Variants in NET1 observed in about 807,000 individuals in gnomAD.
NET1 encodes the protein neuroepithelial cell transforming 1.
A neutral mutation model predicts 61.1 loss-of-function variants in NET1; 42 were observed. The ratio of observed to expected loss-of-function variants is 0.69; its 90% CI spans 0.54 to 0.89. The LOEUF (loss-of-function observed/expected upper bound fraction) is 0.89, where lower values mean the gene tolerates loss of function less well. Ranked by LOEUF, NET1 falls within the 40% of genes least tolerant of loss-of-function variation. The pLI, the probability that NET1 is intolerant of heterozygous loss-of-function variation, is 0.00. For missense variants in NET1, 654 were observed against 747.3 expected (o/e 0.88, Z 1.46); for synonymous variants, 254 against 281.8 (o/e 0.90, Z 0.99).
chr10:5,453,982 G>T lies in NET1; in HGVS notation c.769-283G>T, dbSNP rs191954956. On this transcript the variant is annotated intron_variant, in intron 8 of 11. Coordinates refer to ENST00000355029, the MANE Select transcript of NET1 (RefSeq NM_001047160.3). The surrounding 1 kb of genome is among the most constrained non-coding windows in gnomAD (Gnocchi z 4.9). ...GTCTCAGGGCTGGTGGCAAATGGAG[G>T]ACACTCAAGTGTCCTGGGAGCACAG... Among the ~76,000 whole-genome samples, 226 of 152,308 alleles carry T rather than the reference G, an allele frequency of 1.5e-3. 1 individual carries two copies. Among genetic ancestry groups the T allele is most frequent in the African/African-American group, 4.7e-3 (196 of 41,578 alleles).
rs113164833 is a variant in NET1 at position 5,422,042 on chromosome 10, G to T, written c.129-4613G>T. 3.3e-5 allele frequency among the ~76,000 whole-genome samples: 5 copies of T among 152,252 alleles called. No homozygotes were observed. Among genetic ancestry groups the T allele is most frequent in the African/African-American group, 1.2e-4 (5 of 41,550 alleles). The stretch of plus-strand genomic sequence containing the variant: ...ATGGATAATGCTGCTATGAACATTT[G>T]CATGTAAGTCTTAGTGTAGGCTGGG... On this transcript the variant is annotated intron_variant, in intron 1 of 11. Transcript: ENST00000355029. The surrounding 1 kb of genome is among the most constrained non-coding windows in gnomAD (Gnocchi z 4.1).
chr10:5,416,081 A>G lies in NET1; in HGVS notation c.128+3261A>G, dbSNP rs1358970368. 6.6e-6 allele frequency among the ~76,000 whole-genome samples: 1 copy of G among 152,164 alleles called. No individual in the cohort carries two copies. Among genetic ancestry groups the G allele is most frequent in the Non-Finnish European group, 1.5e-5 (1 of 68,024 alleles). ...AGTTAGTTTTTGTATATAATGTGAG[A>G]TGACGGTCCAACTTAATTCTTTTTC... On this transcript the variant is annotated intron_variant, in intron 1 of 11. Coordinates refer to ENST00000355029, the MANE Select transcript of NET1 (RefSeq NM_001047160.3). The surrounding 1 kb of genome is among the most constrained non-coding windows in gnomAD (Gnocchi z 6.1).
In NET1 at chr10:5,454,906, A is replaced by G; in HGVS notation, c.1027-42A>G. On this transcript the variant is annotated intron_variant, in intron 9 of 11. Transcript: ENST00000355029. The surrounding 1 kb of genome is among the most constrained non-coding windows in gnomAD (Gnocchi z 8.1). ...GCTCTGCAGGAAGCAGAATGAGTTA[A>G]TAAACTGAAGCTGCTCTGTCAATTT... The G allele has an allele frequency of 6.3e-7, 1 of 1,596,790 alleles. No individual in the cohort carries two copies.
Position 5,456,135 on chromosome 10 carries a change from G to A in NET1, c.1246G>A (p.Val416Ile), listed in dbSNP as rs149569698. The A allele has an allele frequency of 3.5e-5, 56 of 1,613,910 alleles. No individual in the cohort carries two copies. Among genetic ancestry groups the A allele is most frequent in the Middle Eastern group, 1.6e-4 (1 of 6,084 alleles). ...FQDILVLTRP[V>I]TRNERHSYQV... ...AGACATCTTGGTTCTGACTCGGCCC[G>A]TCACACGGAACGAACGGCACTCTTA... The change falls in exon 11 of 12, where the codon GTC becomes ATC. Residue 416 changes from valine to isoleucine, a missense_variant. Transcript: ENST00000355029. This position sits in a 1 kb window ranked among gnomAD's most constrained non-coding sequence, Gnocchi z 7.0.
rs1369454453 is a variant in NET1, at chr10:5,420,997, G to T, written c.129-5658G>T. Among the ~76,000 whole-genome samples the T allele has an allele frequency of 1.3e-5, 2 of 152,144 alleles. No homozygotes were observed. The highest frequency in any genetic ancestry group is 6.5e-5 in the Admixed American group (1 of 15,272). On this transcript the variant is annotated intron_variant, in intron 1 of 11. Transcript: ENST00000355029. The surrounding 1 kb of genome is among the most constrained non-coding windows in gnomAD (Gnocchi z 5.3). ...TTTTTTTGATACCAAGTCTGTTCTG[G>T]CCTCAGCTTTGATTTACCTAATTAT... is the stretch of plus-strand genomic sequence containing the variant.
chr10:5,454,462 A>G lies in NET1; in HGVS notation c.966A>G (p.Leu322=), dbSNP rs757960998. The G allele has an allele frequency of 3.7e-6, 6 of 1,614,194 alleles. No individual in the cohort carries two copies. The South Asian group carries it at 4.4e-5, about 12-fold the overall frequency. ...GCCTAGTCAAATACCCTTTACTGTTAAAAGAAATTCTTAAACACACTCCAA... is the reference window on the plus strand; with the variant it reads ...GCCTAGTCAAATACCCTTTACTGTTGAAAGAAATTCTTAAACACACTCCAA... ...RSRLVKYPLL[L]KEILKHTPKE... Residue 322 remains leucine, a synonymous_variant, in exon 9 of 12, where the codon TTA becomes TTG. Transcript: ENST00000355029. This position sits in a 1 kb window ranked among gnomAD's most constrained non-coding sequence, Gnocchi z 8.1.
chr10:5,456,865 C>G lies in NET1; in HGVS notation c.1662C>G (p.Tyr554Ter). The change falls in exon 12 of 12, where the codon TAC becomes TAG. Residue 554 changes from tyrosine to a stop codon, truncating the protein, a stop_gained. Transcript: ENST00000355029. LOFTEE classifies it low-confidence loss of function (END_TRUNC). This position sits in a 1 kb window ranked among gnomAD's most constrained non-coding sequence, Gnocchi z 7.0. ...AGGTAGAAGTTGATGAAAACGCTTACAGATGTGGCTCTGGCATGCAGATGG... is the reference window on the plus strand; with the variant it reads ...AGGTAGAAGTTGATGAAAACGCTTAGAGATGTGGCTCTGGCATGCAGATGG... The part of the protein sequence containing the change: ...VTQVEVDENA[Y>*]RCGSGMQMAE... The G allele has an allele frequency of 1.2e-6, 2 of 1,614,154 alleles. No homozygotes were observed. The highest frequency in any genetic ancestry group is 1.7e-6 in the Non-Finnish European group (2 of 1,180,018).
rs1370393556 is a variant in NET1, at chr10:5,412,719, G to A, written c.27G>A (p.Lys9=). ...TGGAGCCCGAGCTGGCGGCTCAGAAGCAGCCTCGACCGCGGAGGCGAAGCC... is the reference window on the plus strand; with the variant it reads ...TGGAGCCCGAGCTGGCGGCTCAGAAACAGCCTCGACCGCGGAGGCGAAGCC... The part of the protein sequence containing the change: MEPELAAQ[K]QPRPRRRSRR... Residue 9 remains lysine (K), a synonymous_variant, in exon 1 of 12, where the codon AAG becomes AAA. Coordinates refer to ENST00000355029, the MANE Select transcript of NET1 (RefSeq NM_001047160.3). This position sits in a 1 kb window ranked among gnomAD's most constrained non-coding sequence, Gnocchi z 6.5. 1.4e-6 allele frequency: 2 copies of A among 1,480,014 alleles called. No individual in the cohort carries two copies. Among genetic ancestry groups the A allele is most frequent in the South Asian group, 1.3e-5 (1 of 77,672 alleles). The allele number at this position is 1,480,014 out of a possible 1,614,324, so 91.7% of individuals were successfully genotyped here. A position where few individuals can be genotyped will look rare whatever the true frequency, so the allele number is the denominator to read the frequency against.
Position 5,415,691 on chromosome 10 carries a change from G to A in NET1, c.128+2871G>A, listed in dbSNP as rs377383005. ...CCTGACCTTGTGATTTGCCTGCCTCGGCCTCCCAAAGTGCTGGGATTACAG... is the reference window on the plus strand; with the variant it reads ...CCTGACCTTGTGATTTGCCTGCCTCAGCCTCCCAAAGTGCTGGGATTACAG... On this transcript the variant is annotated intron_variant, in intron 1 of 11. Coordinates refer to ENST00000355029, the MANE Select transcript of NET1 (RefSeq NM_001047160.3). This position sits in a 1 kb window ranked among gnomAD's most constrained non-coding sequence, Gnocchi z 4.7. 1.3e-5 allele frequency among the ~76,000 whole-genome samples: 2 copies of A among 152,002 alleles called. No homozygotes were observed. Among genetic ancestry groups the A allele is most frequent in the Non-Finnish European group, 2.9e-5 (2 of 68,006 alleles).
At chr10:5,438,606 A>C (rs1349764207) in intron 3 of NET1, among the ~76,000 whole-genome samples, 1 of 152,214 alleles carries the variant, frequency 6.6e-6, no homozygotes, top group Non-Finnish European at 1.5e-5. Context: ...AAAACCTCTC[A>C]ACAAAGAAAA....
chr10:5,443,189 A>C lies in NET1; in HGVS notation c.256-8641A>C, dbSNP rs1393719024. Among the ~76,000 whole-genome samples, 1 of 152,204 alleles carries C rather than the reference A, an allele frequency of 6.6e-6. No homozygotes were observed. Among genetic ancestry groups the C allele is most frequent in the Admixed American group, 6.5e-5 (1 of 15,282 alleles). On this transcript the variant is annotated intron_variant, in intron 3 of 11. Coordinates refer to ENST00000355029, the MANE Select transcript of NET1 (RefSeq NM_001047160.3). The surrounding 1 kb of genome is among the most constrained non-coding windows in gnomAD (Gnocchi z 4.8). Reference sequence around the variant, plus strand: ...TTATATGGGTTATCTTCATCTGGACAGTGTCACAACAGCTGAGCAGAACAG... The same window carrying C: ...TTATATGGGTTATCTTCATCTGGACCGTGTCACAACAGCTGAGCAGAACAG...
At chr10:5,429,288 T>A in intron 3 of NET1, 59 bp downstream of exon 3, 1 of 1,258,074 alleles carries the variant, frequency 7.9e-7, no homozygotes, top group Non-Finnish European at 1.1e-6. Context: ...AGCATTTTAT[T>A]TCTGTGCTGC....
intron 3 of NET1, among the ~76,000 whole-genome samples, chr10:5,445,700 G>T (rs1832596631): frequency 6.6e-6 from 1 of 152,196 alleles, no homozygotes; most frequent in African/African-American, 2.4e-5. Context: ...TAGAGGAAAA[G>T]ACTTAGGCTA....
rs1293373332 is a variant in NET1 at position 5,453,190 on chromosome 10, A to G, written c.595-60A>G. On this transcript the variant is annotated intron_variant, in intron 6 of 11. Transcript: ENST00000355029. This position sits in a 1 kb window ranked among gnomAD's most constrained non-coding sequence, Gnocchi z 4.9. Reference sequence around the variant, plus strand: ...TAATTAATTCTCTTTGTTTCCAAGTATAGATCCCTCATGTTTTCCTCACAT... The same window carrying G: ...TAATTAATTCTCTTTGTTTCCAAGTGTAGATCCCTCATGTTTTCCTCACAT... 1 of 971,758 alleles carries G rather than the reference A, an allele frequency of 1.0e-6. No homozygotes were observed. Among genetic ancestry groups the G allele is most frequent in the Non-Finnish European group, 1.7e-6 (1 of 596,222 alleles). 60.2% of individuals were successfully genotyped at this position (971,758 alleles called of 1,614,324 possible).
intron 3 of NET1, among the ~76,000 whole-genome samples, chr10:5,438,797 C>G (rs181022110): frequency 6.6e-6 from 1 of 152,212 alleles, no homozygotes; most frequent in Non-Finnish European, 1.5e-5. Flanking sequence ...AACTATAGAC[C>G]AACACCATTT....
Position 5,456,473 on chromosome 10 carries a change from T to G in NET1, c.1385-115T>G, listed in dbSNP as rs1052404643. 5 of 1,149,838 alleles carry G rather than the reference T, an allele frequency of 4.3e-6. No individual in the cohort carries two copies. In the African/African-American group the frequency reaches 6.2e-5, roughly 14 times the overall value. The allele number at this position is 1,149,838 out of a possible 1,614,324, so 71.2% of individuals were successfully genotyped here. On this transcript the variant is annotated intron_variant, in intron 11 of 11. Coordinates refer to ENST00000355029, the MANE Select transcript of NET1 (RefSeq NM_001047160.3). The surrounding 1 kb of genome is among the most constrained non-coding windows in gnomAD (Gnocchi z 7.0). ...ATGCATAGGCTTAATGTATTCACAT[T>G]GACATAAATAAATTGCCATAAATTG... is the stretch of plus-strand genomic sequence containing the variant.
chr10:5,429,290 C>A, intron 3 of NET1, 61 bp downstream of exon 3: 1 of 1,245,524 alleles, frequency 8.0e-7, no homozygotes, highest in Non-Finnish European at 1.1e-6. Flanking sequence ...CATTTTATTT[C>A]TGTGCTGCAA....
chr10:5,454,516 G>C lies in NET1; in HGVS notation c.1020G>C (p.Glu340Asp). 1.2e-6 allele frequency: 2 copies of C among 1,613,302 alleles called. No individual in the cohort carries two copies. The highest frequency in any genetic ancestry group is 1.7e-6 in the Non-Finnish European group (2 of 1,179,802). Residue 340 changes from glutamate to aspartate, a missense_variant, in exon 9 of 12, where the codon GAG becomes GAC. Transcript: ENST00000355029. This position sits in a 1 kb window ranked among gnomAD's most constrained non-coding sequence, Gnocchi z 8.1. Reference protein sequence around the residue: ...PKEHPDVQLLEDAILIIQGVL... With the variant: ...PKEHPDVQLLDDAILIIQGVL... ...AGCACCCTGATGTTCAGCTTCTGGA[G>C]GATGCTGTAAGTAGTCCCTTAAGTG...
Position 5,446,636 on chromosome 10 carries a change from G to C in NET1, c.256-5194G>C. On this transcript the variant is annotated intron_variant, in intron 3 of 11. Transcript: ENST00000355029. This position sits in a 1 kb window ranked among gnomAD's most constrained non-coding sequence, Gnocchi z 5.0. ...AAGCCTCTGCTCCACCGCGGCGAGA[G>C]GCATGGGCACGTGGCTGCCGAGGGT... is the stretch of plus-strand genomic sequence containing the variant. 1 of 1,290,660 alleles carries C rather than the reference G, an allele frequency of 7.7e-7. No individual in the cohort carries two copies. The allele number at this position is 1,290,660 out of a possible 1,614,324, so 80.0% of individuals were successfully genotyped here.
Sources: gnomAD v4.1 joint callset for allele counts (sites outside exome capture counted in the v4.1 genomes callset) on GRCh38, gnomAD v4.1.1 for gene constraint, Gnocchi (gnomAD v3.1) non-coding constraint, MANE v1.5 for transcripts, NCBI Gene and HGNC (gene_info 2026-07-23, HGNC 2026-07-21) for gene names.